ZNF544: variants seen among roughly 807,000 people sequenced by gnomAD.
ZNF544 encodes the protein zinc finger protein 544, also known as zinc finger protein AF020591.
Under a neutral mutation model 13.5 loss-of-function variants are expected in ZNF544, and 10 were observed. The observed-to-expected ratio is 0.74, with a 90% CI of 0.46 to 1.25. The LOEUF (loss-of-function observed/expected upper bound fraction) is 1.25. ZNF544 is among the 50% of genes most tolerant of loss of function. The probability of loss-of-function intolerance (pLI) is 0.00; values close to 1 mark genes in which losing one functional copy is unlikely to be tolerated. For synonymous variants in ZNF544, 323 were observed against 300.5 expected, an observed-to-expected ratio of 1.07 and a Z score of -0.77; for missense variants, 896 against 845.6, an observed-to-expected ratio of 1.06 and a Z score of -0.74.
chr19:58,235,288 A>G (rs1180167336), intron 3 of ZNF544, among the ~76,000 whole-genome samples: 1 of 152,252 alleles, frequency 6.6e-6, no homozygotes, highest in Non-Finnish European at 1.5e-5. Context: ...TAAACATAGA[A>G]AAGGTACGGT....
chr19:58,263,175 A>G lies in ZNF544; in HGVS notation c.*421A>G. On this transcript the variant is annotated 3_prime_UTR_variant, in exon 7 of 7. Coordinates refer to ENST00000687789, the MANE Select transcript of ZNF544 (RefSeq NM_014480.4). ...GCAAGAAACTCTATGAATAACCAAG[A>G]TGGAGCCGGGTGCAGTTGCCAACAC... The G allele has an allele frequency of 1.0e-6, 1 of 997,020 alleles. No individual in the cohort carries two copies. The highest frequency in any genetic ancestry group is 1.2e-6 in the Non-Finnish European group (1 of 836,318). 61.8% of individuals were successfully genotyped at this position (997,020 alleles called of 1,614,324 possible). A position where few individuals can be genotyped will look rare whatever the true frequency, so the allele number is the denominator to read the frequency against.
chr19:58,238,164 T>C (rs1026077791), intron 3 of ZNF544, among the ~76,000 whole-genome samples: 5 of 152,290 alleles, frequency 3.3e-5, no homozygotes, highest in Admixed American at 1.3e-4. Context: ...ACTCCTGACC[T>C]CAGGTGATCC....
intron 3 of ZNF544, among the ~76,000 whole-genome samples, chr19:58,243,128 T>G (rs188875332): frequency 6.6e-6 from 1 of 152,182 alleles, no homozygotes; most frequent in Non-Finnish European, 1.5e-5. Context: ...ATGCTGGCCT[T>G]TGGGGTCAGA....
rs762373587 is a variant in ZNF544, at chr19:58,261,700, G to A, written c.1094G>A (p.Cys365Tyr). The A allele has an allele frequency of 3.7e-6, 6 of 1,614,084 alleles. No individual in the cohort carries two copies. In the African/African-American group the frequency reaches 6.7e-5, roughly 18 times the overall value. Residue 365 changes from cysteine (C) to tyrosine (Y), a missense_variant, in exon 7 of 7, where the codon TGT (cysteine) becomes TAT (tyrosine). By Grantham distance (194) the Cys-to-Tyr change is radical. Transcript: ENST00000687789. Reference protein sequence around the residue: ...VCNQCGKSFSCCKLIHQRTHT... With the variant: ...VCNQCGKSFSYCKLIHQRTHT... ...AATCAGTGTGGAAAATCTTTCAGCT[G>A]TTGTAAGCTCATACACCAGAGAACA...
chr19:58,239,482 A>C (rs560076736), intron 3 of ZNF544, among the ~76,000 whole-genome samples: 1 of 147,968 alleles, frequency 6.8e-6, no homozygotes, highest in South Asian at 2.1e-4. Context: ...TGTTTCTTTA[A>C]GTAAGCCTGG....
intron 6 of ZNF544, among the ~76,000 whole-genome samples, chr19:58,254,074 A>C (rs931572593): frequency 6.6e-6 from 1 of 152,152 alleles, no homozygotes; most frequent in Non-Finnish European, 1.5e-5. Context: ...AATACAAAAA[A>C]TTAGCCAGGC....
At chr19:58,241,181 T>TTAAATATATATATATATATA (rs1568461117) in intron 3 of ZNF544, among the ~76,000 whole-genome samples, 119 of 51,250 alleles carry the variant, frequency 2.3e-3, no homozygotes, top group Middle Eastern at 0.016. Flanking sequence ...ATATATATAT[T>TTAAATATATATATATATATA]TTTTTTTTTT....
rs1320782659 is a variant in ZNF544 at position 58,254,001 on chromosome 19, G to A, written c.245-6850G>A. The stretch of plus-strand genomic sequence containing the variant: ...TCACGCCTGTAATCCCAGGCAGGCG[G>A]ATCACGAGGTCAGGAGATCAAGACC... On this transcript the variant is annotated intron_variant, in intron 6 of 6. Coordinates refer to ENST00000687789, the MANE Select transcript of ZNF544 (RefSeq NM_014480.4). 2.0e-5 allele frequency among the ~76,000 whole-genome samples: 3 copies of A among 152,156 alleles called. No homozygotes were observed. The South Asian group carries it at 6.2e-4, about 32-fold the overall frequency.
intron 6 of ZNF544, among the ~76,000 whole-genome samples, chr19:58,254,864 CT>C (rs557178874): frequency 0.25 from 35,351 of 138,916 alleles, 4,281 homozygotes; most frequent in Non-Finnish European, 0.3. Flanking sequence ...TTCTTTCTTT[CT>C]TTTTTTTTTT....
At chr19:58,239,505 G>A (rs2043116753) in intron 3 of ZNF544, among the ~76,000 whole-genome samples, 1 of 152,206 alleles carries the variant, frequency 6.6e-6, no homozygotes, top group Non-Finnish European at 1.5e-5. Flanking sequence ...TTCACTGTGT[G>A]CGGGTCCTTG....
intron 6 of ZNF544, among the ~76,000 whole-genome samples, chr19:58,250,446 G>C (rs1405792618): frequency 6.6e-6 from 1 of 152,200 alleles, no homozygotes; most frequent in Non-Finnish European, 1.5e-5. Context: ...GCAGTACTTA[G>C]ACTGTGTATC....
At chr19:58,243,837 G>A in intron 3 of ZNF544, 128 bp from the exon 4 acceptor site, 2 of 645,714 alleles carry the variant, frequency 3.1e-6, no homozygotes, top group Non-Finnish European at 4.9e-6. Context: ...CAGGTCCCCA[G>A]GCGTGAGGCC....
intron 4 of ZNF544, among the ~76,000 whole-genome samples, chr19:58,245,401 A>G (rs2044930450): frequency 6.6e-6 from 1 of 151,924 alleles, no homozygotes; most frequent in Non-Finnish European, 1.5e-5. Flanking sequence ...TCCAGGTTCA[A>G]GCGATTCTCC....
chr19:58,237,965 T>C (rs1336204158), intron 3 of ZNF544, among the ~76,000 whole-genome samples: 1 of 151,434 alleles, frequency 6.6e-6, no homozygotes, highest in Non-Finnish European at 1.5e-5. Flanking sequence ...TTAAAACTTC[T>C]CTTGTTGCTC....
chr19:58,269,604 C>T (rs2147857030), intron 5 of ZNF544, among the ~76,000 whole-genome samples: 1 of 111,156 alleles, frequency 9.0e-6, no homozygotes, highest in African/African-American at 3.6e-5. Context: ...AAGCGAGACT[C>T]TGTCTCAAAA....
chr19:58,261,728 C>G lies in ZNF544; in HGVS notation c.1122C>G (p.His374Gln). 3.1e-6 allele frequency: 5 copies of G among 1,614,252 alleles called. No homozygotes were observed. Among genetic ancestry groups the G allele is most frequent in the Non-Finnish European group, 4.2e-6 (5 of 1,180,044 alleles). Reference sequence around the variant, plus strand: ...GTAAGCTCATACACCAGAGAACACACACTGGAGAAAAGCCCTTCGAATGTA... The same window carrying G: ...GTAAGCTCATACACCAGAGAACACAGACTGGAGAAAAGCCCTTCGAATGTA... ...SCCKLIHQRT[H>Q]TGEKPFECTQ... The change falls in exon 7 of 7, where the codon CAC (histidine) becomes CAG (glutamine). Residue 374 changes from histidine to glutamine, a missense_variant. His to Gln is a conservative substitution (Grantham distance 24, BLOSUM62 0). Coordinates refer to ENST00000687789, the MANE Select transcript of ZNF544 (RefSeq NM_014480.4).
chr19:58,232,943 T>A (rs2041634667), intron 3 of ZNF544, among the ~76,000 whole-genome samples: 2 of 65,520 alleles, frequency 3.1e-5, no homozygotes, highest in South Asian at 6.4e-4. Context: ...AGAGACTCCA[T>A]CTCAAAAAAA....
At chr19:58,273,933 T>C (rs1427005574) in intron 5 of ZNF544, among the ~76,000 whole-genome samples, 1 of 151,644 alleles carries the variant, frequency 6.6e-6, no homozygotes, top group African/African-American at 2.4e-5. Context: ...GTAGCTGGGA[T>C]TACAGGCGCA....
At chr19:58,268,891 C>G (rs1004949060), downstream of ZNF544, among the ~76,000 whole-genome samples, 3 of 152,132 alleles carry the variant, frequency 2.0e-5, no homozygotes, top group Non-Finnish European at 4.4e-5. Context: ...CAAAGACTTA[C>G]TAGCACAAAG....
Sources: allele counts gnomAD v4.1 joint callset (sites outside exome capture counted in the v4.1 genomes callset), GRCh38; gene constraint gnomAD v4.1.1; transcripts MANE v1.5; gene names NCBI Gene and HGNC (gene_info 2026-07-23, HGNC 2026-07-21).